ZZEF1: variants seen among roughly 807,000 people sequenced by gnomAD.
ZZEF1 encodes zinc finger ZZ-type and EF-hand domain containing 1.
A neutral mutation model predicts 342.8 loss-of-function variants in ZZEF1; 157 were observed. The ratio of observed to expected loss-of-function variants is 0.46; its 90% CI spans 0.40 to 0.52. The LOEUF (loss-of-function observed/expected upper bound fraction) is 0.52, where lower values mean the gene tolerates loss of function less well. ZZEF1 is among the 20% of genes least tolerant of loss of function. The pLI, the probability that ZZEF1 is intolerant of heterozygous loss-of-function variation, is 0.00. For missense variants in ZZEF1, 3,480 were observed against 3,725.6 expected (o/e 0.93, Z 1.72); for synonymous variants, 1,505 against 1,429.1 (o/e 1.05, Z -1.20).
intron 44 of ZZEF1, among the ~76,000 whole-genome samples, chr17:4,021,814 G>A (rs1429069193): frequency 6.6e-6 from 1 of 152,056 alleles, no homozygotes; most frequent in African/African-American, 2.4e-5. Flanking sequence ...ATTTGAATAC[G>A]ATGCTCATGA....
chr17:4,033,960 A>G, intron 40 of ZZEF1, 55 bp downstream of exon 40: 1 of 1,590,152 alleles, frequency 6.3e-7, no homozygotes, highest in Non-Finnish European at 8.6e-7. Flanking sequence ...TTAAACAAAT[A>G]AACACCAAGG....
At chr17:4,098,681 A>G (rs1252715704) in intron 9 of ZZEF1, among the ~76,000 whole-genome samples, 1 of 152,190 alleles carries the variant, frequency 6.6e-6, no homozygotes, top group Non-Finnish European at 1.5e-5. Context: ...CAAGACTAAA[A>G]CCAATTTCAT....
At chr17:4,098,992 A>G (rs569878662) in intron 9 of ZZEF1, among the ~76,000 whole-genome samples, 1 of 152,346 alleles carries the variant, frequency 6.6e-6, no homozygotes, top group East Asian at 1.9e-4. Flanking sequence ...AGGCTAAACT[A>G]TTGTCTAAAA....
At chr17:4,136,343 C>CAAAA (rs10567843) in intron 1 of ZZEF1, among the ~76,000 whole-genome samples, 1 of 130,490 alleles carries the variant, frequency 7.7e-6, no homozygotes. Flanking sequence ...GACTCCGTCT[C>CAAAA]AAAAAAAAAA....
At chr17:4,065,708 T>C (rs890081100) in intron 28 of ZZEF1, among the ~76,000 whole-genome samples, 4 of 152,134 alleles carry the variant, frequency 2.6e-5, no homozygotes, top group African/African-American at 9.7e-5. Context: ...CACCACACTA[T>C]TTTATCTGTA....
Position 4,066,443 on chromosome 17 carries a change from T to C in ZZEF1, c.4249+4A>G. 1 of 1,613,952 alleles carries C rather than the reference T, an allele frequency of 6.2e-7. No homozygotes were observed. On this transcript the variant is annotated splice_donor_region_variant and intron_variant, in intron 28 of 54. Coordinates refer to ENST00000381638, the MANE Select transcript of ZZEF1 (RefSeq NM_015113.4). ...GGGACAACAGCTGGTGTTAGCACAC[T>C]CACCCAGGCTCTCAGGGTTCACCTC...
intron 1 of ZZEF1, among the ~76,000 whole-genome samples, chr17:4,129,091 T>TAG (rs915368969): frequency 1.3e-5 from 2 of 152,090 alleles, no homozygotes; most frequent in African/African-American, 4.8e-5. Context: ...AATACCAACT[T>TAG]TACTAAGGTA....
In ZZEF1 at chr17:4,009,670, G is replaced by A. The variant is rs76915727; in HGVS notation, c.8667C>T (p.Pro2889=). ...EYGLFEDVTQ[P]GILLPLHRAL... ...CACGATGCAGGGGAAGGAGGATGCC[G>A]GGCTGCGTCACGTCCTCAAACAGGC... is the stretch of plus-strand genomic sequence containing the variant. The change falls in exon 53 of 55, where the codon CCC becomes CCT. Residue 2889 remains proline (P), a synonymous_variant. Transcript: ENST00000381638. 0.011 allele frequency: 18,047 copies of A among 1,614,076 alleles called. 145 individuals carry two copies. Among genetic ancestry groups the A allele is most frequent in the African/African-American group, 0.04 (2,965 of 75,022 alleles).
chr17:4,100,700 T>G (rs2145431073), intron 9 of ZZEF1, among the ~76,000 whole-genome samples: 1 of 152,188 alleles, frequency 6.6e-6, no homozygotes, highest in African/African-American at 2.4e-5. Context: ...CCGGGCGTGG[T>G]GGCGGGCGCC....
chr17:4,109,860 A>G lies in ZZEF1; in HGVS notation c.1070T>C (p.Val357Ala). 6.2e-7 allele frequency: 1 copy of G among 1,614,160 alleles called. No homozygotes were observed. The highest frequency in any genetic ancestry group is 1.1e-5 in the South Asian group (1 of 91,086). The change falls in exon 6 of 55, where the codon GTC becomes GCC. Residue 357 changes from valine to alanine, a missense_variant. By Grantham distance (64) the Val-to-Ala change is moderately conservative. Around this residue, in one of 5 missense-constraint regions of ZZEF1, gnomAD observed 92 missense variants for 130.3 expected, o/e 0.71. Transcript: ENST00000381638. ...AAGACAACGCTTTATGTTAATCTGG[A>G]CATCTGTCGAGCACAAACAAAAAAT... ...LENANVSQLY[V>A]QINIKRCLSD...
In ZZEF1 at chr17:4,059,178, T is replaced by G; in HGVS notation, c.4996A>C (p.Asn1666His). Residue 1666 changes from asparagine to histidine, a missense_variant, in exon 31 of 55, where the codon AAT becomes CAT. Asn to His is a moderately conservative substitution (Grantham distance 68). Transcript: ENST00000381638. ...VKAVKGFSSL[N>H]DRSLLPALSC... ...GATAAAGTTATCCAGTACCTGTCAT[T>G]TAGGCTACTAAATCCTTTAACTGCT... 6.3e-7 allele frequency: 1 copy of G among 1,587,704 alleles called. No homozygotes were observed. Among genetic ancestry groups the G allele is most frequent in the Non-Finnish European group, 8.5e-7 (1 of 1,174,422 alleles).
intron 1 of ZZEF1, among the ~76,000 whole-genome samples, chr17:4,130,194 C>G (rs1427755024): frequency 8.5e-5 from 13 of 152,166 alleles, no homozygotes; most frequent in Admixed American, 8.5e-4. Context: ...TGGCTCATGC[C>G]TATAATCCCA....
intron 51 of ZZEF1, 96 bp downstream of exon 51, chr17:4,013,994 T>A: frequency 8.3e-7 from 1 of 1,209,710 alleles, no homozygotes; most frequent in Non-Finnish European, 1.2e-6. Context: ...AAGTACCTGC[T>A]TTGATTTTAA....
chr17:4,074,539 A>G (rs562153042), intron 23 of ZZEF1, among the ~76,000 whole-genome samples, 188 bp from the exon 24 acceptor site: 1 of 152,232 alleles, frequency 6.6e-6, no homozygotes, highest in Non-Finnish European at 1.5e-5. Flanking sequence ...CACCCCATGA[A>G]GAAGGAGAGT....
chr17:4,064,305 A>T, intron 29 of ZZEF1, 56 bp downstream of exon 29: 1 of 1,376,164 alleles, frequency 7.3e-7, no homozygotes, highest in South Asian at 1.4e-5. Flanking sequence ...CTCTGACTAG[A>T]CTGGGTACCT....
chr17:4,015,229 G>C (rs2056069255), intron 49 of ZZEF1, among the ~76,000 whole-genome samples: 3 of 152,238 alleles, frequency 2.0e-5, no homozygotes, highest in African/African-American at 7.2e-5. Context: ...GATCGAACCT[G>C]GTGGCTGACC....
chr17:4,054,045 C>T lies in ZZEF1; in HGVS notation c.5434+12G>A, dbSNP rs201859208. ...GCCTTTGGATACGGCGTACCCAGTT[C>T]ATGAAATTTACCTAGGAAGCAAGTT... On this transcript the variant is annotated intron_variant, in intron 34 of 54. Coordinates refer to ENST00000381638, the MANE Select transcript of ZZEF1 (RefSeq NM_015113.4). 2.1e-5 allele frequency: 33 copies of T among 1,607,406 alleles called. No homozygotes were observed. In the South Asian group the frequency reaches 3.3e-4, roughly 16 times the overall value.
At chr17:4,025,169 G>T in intron 42 of ZZEF1, 51 bp from the exon 43 acceptor site, 1 of 1,534,182 alleles carries the variant, frequency 6.5e-7, no homozygotes, top group Non-Finnish European at 9.0e-7. Flanking sequence ...TACAGTTCAT[G>T]CTTCCAGCAG....
intron 39 of ZZEF1, among the ~76,000 whole-genome samples, chr17:4,034,598 G>A (rs1284667562): frequency 6.6e-6 from 1 of 152,100 alleles, no homozygotes; most frequent in Admixed American, 6.6e-5. Context: ...AAAAGTTAAA[G>A]CTCCCCTAAA....
Sources: gnomAD v4.1 joint callset for allele counts (sites outside exome capture counted in the v4.1 genomes callset) on GRCh38, gnomAD v4.1.1 for gene constraint, gnomAD v4.1.1 regional missense constraint, MANE v1.5 for transcripts, NCBI Gene and HGNC (gene_info 2026-07-23, HGNC 2026-07-21) for gene names.